CTNNA3: variants seen among roughly 807,000 people sequenced by gnomAD.
The protein encoded by CTNNA3 is catenin alpha 3, also known as catenin alpha-3.
A neutral mutation model predicts 95.7 loss-of-function variants in CTNNA3; 76 were observed. The ratio of observed to expected loss-of-function variants is 0.79; its 90% CI spans 0.66 to 0.96. The LOEUF (loss-of-function observed/expected upper bound fraction) is 0.96, where lower values mean the gene tolerates loss of function less well. Ranked by LOEUF, CTNNA3 falls within the 40% of genes least tolerant of loss-of-function variation. The pLI, the probability that CTNNA3 is intolerant of heterozygous loss-of-function variation, is 0.00. For missense variants in CTNNA3, 1,191 were observed against 1,089.8 expected, an observed-to-expected ratio of 1.09 and a Z score of -1.31; for synonymous variants, 431 against 374.4, an observed-to-expected ratio of 1.15 and a Z score of -1.74.
intron 10 of CTNNA3, among the ~76,000 whole-genome samples, chr10:66,591,451 A>G (rs186633692): frequency 5.9e-5 from 9 of 152,286 alleles, no homozygotes; most frequent in African/African-American, 2.2e-4. Context: ...TGAAGGCAAC[A>G]TGAGAGAGAT....
intron 13 of CTNNA3, among the ~76,000 whole-genome samples, chr10:66,184,072 CAG>C (rs1263834138): frequency 2.6e-5 from 4 of 151,960 alleles, no homozygotes; most frequent in Admixed American, 6.6e-5. Context: ...TTGTGTTGGG[CAG>C]ATCACCTGAG....
chr10:67,535,230 C>T (rs1840453415), intron 4 of CTNNA3, among the ~76,000 whole-genome samples: 1 of 152,092 alleles, frequency 6.6e-6, no homozygotes, highest in African/African-American at 2.4e-5. Context: ...GCTTGAAGCT[C>T]ATTTCAACAA....
chr10:67,465,932 T>C (rs1847573912), intron 5 of CTNNA3, among the ~76,000 whole-genome samples: 1 of 152,196 alleles, frequency 6.6e-6, no homozygotes, highest in Admixed American at 6.5e-5. Context: ...TCAATTTGTA[T>C]AGTATTTTCA....
intron 11 of CTNNA3, among the ~76,000 whole-genome samples, chr10:66,415,712 C>A (rs765535007): frequency 2.6e-5 from 4 of 152,090 alleles, no homozygotes; most frequent in African/African-American, 4.8e-5. Context: ...CCTAAGCCAC[C>A]AAGGAAGTCT....
intron 7 of CTNNA3, among the ~76,000 whole-genome samples, chr10:66,914,268 C>T (rs1916383): frequency 0.39 from 58,545 of 151,470 alleles, 11,835 homozygotes; most frequent in Non-Finnish European, 0.45. Flanking sequence ...GTAGCTGGGA[C>T]TACAGGCACC....
intron 7 of CTNNA3, among the ~76,000 whole-genome samples, chr10:66,977,033 C>T (rs1363430672): frequency 6.6e-6 from 1 of 152,054 alleles, no homozygotes; most frequent in African/African-American, 2.4e-5. Context: ...GGAGAATTAG[C>T]CAATGGTTGA....
intron 1 of CTNNA3, among the ~76,000 whole-genome samples, chr10:67,736,243 G>A (rs1841301521): frequency 6.6e-6 from 1 of 151,454 alleles, no homozygotes; most frequent in Non-Finnish European, 1.5e-5. Flanking sequence ...TACAGAGACA[G>A]AAAGTAGAAG....
At chr10:66,691,910 T>C (rs1847558646) in intron 9 of CTNNA3, among the ~76,000 whole-genome samples, 1 of 150,746 alleles carries the variant, frequency 6.6e-6, no homozygotes, top group Non-Finnish European at 1.5e-5. Flanking sequence ...TCCTGTCTGT[T>C]AGAAGGAAAA....
At chr10:67,212,118 C>T (rs1168245755) in intron 6 of CTNNA3, among the ~76,000 whole-genome samples, 1 of 151,890 alleles carries the variant, frequency 6.6e-6, no homozygotes, top group African/African-American at 2.4e-5. Flanking sequence ...GATTTACCAC[C>T]CATTTTAACA....
At chr10:66,447,154 C>T (rs1324649335) in intron 11 of CTNNA3, among the ~76,000 whole-genome samples, 1 of 151,808 alleles carries the variant, frequency 6.6e-6, no homozygotes, top group African/African-American at 2.4e-5. Context: ...AACTACAAAC[C>T]ACTGCTCAAT....
At chr10:66,977,095 T>C (rs989133659) in intron 7 of CTNNA3, among the ~76,000 whole-genome samples, 3 of 152,132 alleles carry the variant, frequency 2.0e-5, no homozygotes, top group African/African-American at 7.2e-5. Flanking sequence ...GGAAAATAGA[T>C]TAAGGCTTGA....
At chr10:66,732,836 C>T (rs1589186024) in intron 9 of CTNNA3, among the ~76,000 whole-genome samples, 4 of 151,994 alleles carry the variant, frequency 2.6e-5, no homozygotes, top group Admixed American at 2.6e-4. Flanking sequence ...CATTCTGTTA[C>T]CCAGGCTGGA....
chr10:66,539,902 C>T (rs1256254102), intron 10 of CTNNA3, among the ~76,000 whole-genome samples: 4 of 152,078 alleles, frequency 2.6e-5, no homozygotes, highest in Non-Finnish European at 1.5e-5. Context: ...TTTAAAAGTA[C>T]TACCTTAAAG....
intron 17 of CTNNA3, among the ~76,000 whole-genome samples, chr10:65,923,902 CT>C (rs2077126571): frequency 6.6e-6 from 1 of 151,976 alleles, no homozygotes; most frequent in Non-Finnish European, 1.5e-5. Flanking sequence ...CTATAAGATG[CT>C]TTTTTTCCTA....
At chr10:66,495,875 C>T (rs946091345) in intron 11 of CTNNA3, among the ~76,000 whole-genome samples, 1 of 152,130 alleles carries the variant, frequency 6.6e-6, no homozygotes, top group African/African-American at 2.4e-5. Context: ...CCAGGCTGAT[C>T]TTGAATTCCT....
At chr10:66,414,006 GTCCT>G (rs758856164) in intron 11 of CTNNA3, among the ~76,000 whole-genome samples, 1 of 152,132 alleles carries the variant, frequency 6.6e-6, no homozygotes, top group Non-Finnish European at 1.5e-5. Flanking sequence ...AATCAGTCCA[GTCCT>G]TCCTTCCTTA....
intron 13 of CTNNA3, among the ~76,000 whole-genome samples, chr10:66,112,878 A>G (rs1644069274): frequency 1.3e-5 from 2 of 152,106 alleles, no homozygotes; most frequent in South Asian, 4.1e-4. Context: ...TCTGTCAATG[A>G]ACACTTAGAT....
At chr10:66,326,023 G>A (rs1171848193) in intron 12 of CTNNA3, among the ~76,000 whole-genome samples, 2 of 152,126 alleles carry the variant, frequency 1.3e-5, no homozygotes, top group Non-Finnish European at 2.9e-5. Flanking sequence ...ATTGTTTAAC[G>A]TAATTGATGC....
chr10:67,020,183 A>C lies in CTNNA3; in HGVS notation c.1047+160134T>G, dbSNP rs569912433. ...TATAATCATAGCTTAATGAAATTAA[A>C]TGGGTGAGCCACCTCAATCTAAGCC... On this transcript the variant is annotated intron_variant, in intron 7 of 17. Transcript: ENST00000433211. Among the ~76,000 whole-genome samples the C allele has an allele frequency of 7.9e-5, 12 of 152,350 alleles. No individual in the cohort carries two copies. The South Asian group carries it at 1.7e-3, about 21-fold the overall frequency.
Sources: allele counts gnomAD v4.1 joint callset (sites outside exome capture counted in the v4.1 genomes callset), GRCh38; gene constraint gnomAD v4.1.1; transcripts MANE v1.5; gene names NCBI Gene and HGNC (gene_info 2026-07-23, HGNC 2026-07-21).